The following CENPF variants were observed in gnomAD, a reference collection of about 807,000 sequenced individuals.
CENPF encodes the protein centromere protein F, also known as AH antigen.
In CENPF, 214 loss-of-function variants were observed where a neutral mutation model predicts 307.3. That is an observed-to-expected ratio of 0.70 (90% confidence interval 0.62 to 0.78). The LOEUF (loss-of-function observed/expected upper bound fraction) is 0.78. Among genes scored for constraint, CENPF ranks in the 30% least tolerant of loss-of-function variants. The pLI is 0.00. For missense variants in CENPF, 3,401 were observed against 3,483.9 expected, an observed-to-expected ratio of 0.98 and a Z score of 0.60; for synonymous variants, 1,259 against 1,270.6, an observed-to-expected ratio of 0.99 and a Z score of 0.19.
rs752683255 is a variant in CENPF at position 214,651,756 on chromosome 1, G to A, written c.8030G>A (p.Ser2677Asn). The change falls in exon 15 of 20, where the codon AGC (serine) becomes AAC (asparagine). Residue 2677 changes from serine to asparagine, a missense_variant. By Grantham distance (46) the Ser-to-Asn change is conservative. Coordinates refer to ENST00000366955, the MANE Select transcript of CENPF (RefSeq NM_016343.4). ...CTAGAAAATAGTGAATTGAAGAAGA[G>A]CCTAGATTGCATGCACAAAGACCAG... ...LTLENSELKK[S>N]LDCMHKDQVE... The A allele has an allele frequency of 9.4e-5, 152 of 1,611,852 alleles. No homozygotes were observed. Among genetic ancestry groups the A allele is most frequent in the Non-Finnish European group, 1.3e-4 (149 of 1,179,414 alleles).
At chr1:214,636,991 T>A (rs1657982139) in intron 10 of CENPF, among the ~76,000 whole-genome samples, 1 of 152,218 alleles carries the variant, frequency 6.6e-6, no homozygotes, top group Non-Finnish European at 1.5e-5. Flanking sequence ...TTCTTTGGCA[T>A]GTAAATATTG....
chr1:214,603,487 C>G (rs41277186), intron 1 of CENPF, 166 bp downstream of exon 1: 16,713 of 152,126 alleles, frequency 0.11, 1,533 homozygotes, highest in African/African-American at 0.25. Context: ...CCCACCCGAC[C>G]GAACTGGAGA....
chr1:214,648,311 C>T (rs906599938), intron 13 of CENPF, among the ~76,000 whole-genome samples: 9 of 152,032 alleles, frequency 5.9e-5, no homozygotes, highest in Non-Finnish European at 7.4e-5. Context: ...TAGTATGGCA[C>T]TGGGGGATTA....
chr1:214,636,521 A>G (rs950392531), intron 10 of CENPF, among the ~76,000 whole-genome samples: 3 of 152,204 alleles, frequency 2.0e-5, no homozygotes, highest in African/African-American at 7.2e-5. Context: ...TAATGATGAA[A>G]TGAACGCATA....
At chr1:214,662,731 T>C (rs1658819016) in intron 19 of CENPF, among the ~76,000 whole-genome samples, 1 of 152,166 alleles carries the variant, frequency 6.6e-6, no homozygotes, top group Admixed American at 6.5e-5. Flanking sequence ...ACTTCATTTT[T>C]CTTGCACTTT....
rs1658653820 is a variant in CENPF at position 214,657,052 on chromosome 1, A to G, written c.8605A>G (p.Ile2869Val). 6.2e-7 allele frequency: 1 copy of G among 1,614,172 alleles called. No homozygotes were observed. Among genetic ancestry groups the G allele is most frequent in the Non-Finnish European group, 8.5e-7 (1 of 1,180,016 alleles). ...EYLDKYCSLL[I>V]SHEKLEKAKE... Reference sequence around the variant, plus strand: ...CTTGGATAAGTACTGTTCCTTGCTTATAAGCCATGAAAAGTTAGAGAAAGC... The same window carrying G: ...CTTGGATAAGTACTGTTCCTTGCTTGTAAGCCATGAAAAGTTAGAGAAAGC... Residue 2869 changes from isoleucine to valine, a missense_variant, in exon 18 of 20, where the codon ATA (isoleucine) becomes GTA (valine). Ile to Val is a conservative substitution (Grantham distance 29, BLOSUM62 3). Coordinates refer to ENST00000366955, the MANE Select transcript of CENPF (RefSeq NM_016343.4).
At chr1:214,608,960 C>A in intron 1 of CENPF, 1 of 966,412 alleles carries the variant, frequency 1.0e-6, no homozygotes, top group Middle Eastern at 3.6e-4. Flanking sequence ...GGGCGCCCCC[C>A]CAGCTACGGC....
At chr1:214,615,117 T>C (rs1657300259) in intron 3 of CENPF, 89 bp downstream of exon 3, 1 of 912,722 alleles carries the variant, frequency 1.1e-6, no homozygotes, top group South Asian at 2.3e-5. Flanking sequence ...ATAATTATTA[T>C]ACTTTGCAAT....
rs769719828 is a variant in CENPF, at chr1:214,657,217, G to T, written c.8770G>T (p.Gly2924Cys). 2.7e-5 allele frequency: 43 copies of T among 1,613,960 alleles called. No individual in the cohort carries two copies. The highest frequency in any genetic ancestry group is 3.6e-5 in the Non-Finnish European group (43 of 1,180,036). The change falls in exon 18 of 20, where the codon GGC becomes TGC. Residue 2924 changes from glycine (G) to cysteine (C), a missense_variant. Gly to Cys is a radical substitution (Grantham distance 159). Coordinates refer to ENST00000366955, the MANE Select transcript of CENPF (RefSeq NM_016343.4). Reference protein sequence around the residue: ...PSVTEKRLSSGQNKASGKRQR... With the variant: ...PSVTEKRLSSCQNKASGKRQR... ...TGTTACTGAAAAGAGGTTATCATCT[G>T]GCCAAAATAAAGCTTCAGGCAAGAG...
At chr1:214,651,657 A>G in intron 14 of CENPF, 53 bp from the exon 15 acceptor site, 2 of 1,344,262 alleles carry the variant, frequency 1.5e-6, no homozygotes, top group Non-Finnish European at 2.0e-6. Context: ...AAATATTTCC[A>G]GGTTCTTAAT....
Position 214,646,414 on chromosome 1 carries a change from A to G in CENPF, c.6844A>G (p.Met2282Val), listed in dbSNP as rs61732016. ...VAALCGDQEIMKATEQSLDPP... is the reference protein window; with the variant it reads ...VAALCGDQEIVKATEQSLDPP... ...AGCCTTGTGTGGTGACCAAGAAATT[A>G]TGAAGGCCACAGAACAGAGTCTAGA... The change falls in exon 13 of 20, where the codon ATG becomes GTG. Residue 2282 changes from methionine to valine, a missense_variant. By Grantham distance (21) the Met-to-Val change is conservative (BLOSUM62 1). Transcript: ENST00000366955. 3.1e-4 allele frequency: 496 copies of G among 1,614,182 alleles called. 4 individuals are homozygous for G. The African/African-American group carries it at 6.0e-3, about 20-fold the overall frequency.
At chr1:214,611,821 A>G (rs953819495) in intron 1 of CENPF, among the ~76,000 whole-genome samples, 2 of 152,148 alleles carry the variant, frequency 1.3e-5, no homozygotes, top group Non-Finnish European at 2.9e-5. Context: ...ATTTTTGTAT[A>G]TTGATTTTCG....
At chr1:214,649,722 T>A (rs1658410565) in intron 14 of CENPF, among the ~76,000 whole-genome samples, 1 of 152,220 alleles carries the variant, frequency 6.6e-6, no homozygotes, top group Admixed American at 6.5e-5. Flanking sequence ...GAATGATATT[T>A]GTGTATTGCG....
intron 14 of CENPF, among the ~76,000 whole-genome samples, chr1:214,649,192 A>G (rs1390593355): frequency 6.6e-6 from 1 of 152,244 alleles, no homozygotes; most frequent in Non-Finnish European, 1.5e-5. Context: ...GAATGTTGCT[A>G]GAAACACATT....
intron 7 of CENPF, among the ~76,000 whole-genome samples, chr1:214,625,016 T>A (rs548411632): frequency 3.2e-4 from 48 of 152,322 alleles, no homozygotes; most frequent in African/African-American, 1.1e-3. Context: ...TTGACCCTTT[T>A]ATCACTATTT....
At chr1:214,656,844 A>G (rs1235016357) in intron 17 of CENPF, 89 bp from the exon 18 acceptor site, 14 of 886,512 alleles carry the variant, frequency 1.6e-5, no homozygotes, top group South Asian at 3.4e-5. Flanking sequence ...TCAAAGAAAG[A>G]ACACGTCTAA....
chr1:214,613,039 T>C lies in CENPF; in HGVS notation c.-41-675T>C. 5.9e-6 allele frequency: 2 copies of C among 338,656 alleles called. 1 individual carries two copies. The highest frequency in any genetic ancestry group is 1.1e-5 in the Non-Finnish European group (2 of 179,982). 21.0% of individuals were successfully genotyped at this position (338,656 alleles called of 1,614,324 possible). ...ACATCATTAGGCACCAAAGCTCTTG[T>C]AGGACAACTTTGATGCTACATGAAT... On this transcript the variant is annotated intron_variant, in intron 1 of 19. Transcript: ENST00000366955.
intron 17 of CENPF, 44 bp downstream of exon 17, chr1:214,655,447 C>T: frequency 6.6e-7 from 1 of 1,507,810 alleles, no homozygotes; most frequent in Non-Finnish European, 8.9e-7. Flanking sequence ...AACTCTTTTC[C>T]AGTAGTGAAA....
intron 1 of CENPF, chr1:214,613,167 G>C (rs375670424): frequency 1.6e-5 from 4 of 249,740 alleles, no homozygotes; most frequent in African/African-American, 6.8e-5. Context: ...ACAAAGGCAG[G>C]GTGCTTCTGG....
Sources: allele counts gnomAD v4.1 joint callset (sites outside exome capture counted in the v4.1 genomes callset), GRCh38; gene constraint gnomAD v4.1.1; transcripts MANE v1.5; gene names NCBI Gene and HGNC (gene_info 2026-07-23, HGNC 2026-07-21).